Variants in RALYL observed in about 807,000 individuals in gnomAD.
RALYL encodes RNA-binding Raly-like protein.
Under a neutral mutation model 35.1 loss-of-function variants are expected in RALYL, and 29 were observed. That is an observed-to-expected ratio of 0.83 (90% confidence interval 0.61 to 1.13). The LOEUF is 1.13. Ranked by LOEUF, RALYL falls within the 50% of genes most tolerant of loss-of-function variation. The pLI is 0.00. For synonymous variants in RALYL, 120 were observed against 127.6 expected (o/e 0.94, Z 0.40); for missense variants, 359 against 360.4 (o/e 1.00, Z 0.03).
chr8:84,469,742 C>T (rs1256632371), intron 1 of RALYL, among the ~76,000 whole-genome samples: 3 of 152,198 alleles, frequency 2.0e-5, no homozygotes, highest in African/African-American at 7.2e-5. Flanking sequence ...CCCAGCCTAG[C>T]TGCCCCCTTG....
At position 84,424,568 on chromosome 8, in the gene RALYL, T is replaced by A. The variant is rs538914797; in HGVS notation, c.-23-104731T>A. ...CTCAGCTCGTCAAAGTCATTCTCCA[T>A]CCAGCTTTGTTCTGTTGCTGGTGAG... is the stretch of plus-strand genomic sequence containing the variant. On this transcript the variant is annotated intron_variant, in intron 1 of 8. Coordinates refer to ENST00000521268, the MANE Select transcript of RALYL (RefSeq NM_173848.7). Among the ~76,000 whole-genome samples the A allele has an allele frequency of 7.2e-3, 1,093 of 151,114 alleles. 22 individuals are homozygous for A. The highest frequency in any genetic ancestry group is 0.025 in the African/African-American group (1,019 of 40,494).
chr8:84,813,006 C>G (rs1342073774), intron 4 of RALYL, among the ~76,000 whole-genome samples: 3 of 152,164 alleles, frequency 2.0e-5, no homozygotes, highest in Non-Finnish European at 4.4e-5. Context: ...TTCCCCCGCT[C>G]CTCTGGCCAC....
At chr8:84,673,040 AT>A (rs914479388) in intron 2 of RALYL, among the ~76,000 whole-genome samples, 2 of 152,202 alleles carry the variant, frequency 1.3e-5, no homozygotes, top group Non-Finnish European at 2.9e-5. Context: ...AGCATTTGTT[AT>A]TTTTTGACTT....
intron 1 of RALYL, among the ~76,000 whole-genome samples, chr8:84,223,730 A>G (rs1211546784): frequency 6.6e-6 from 1 of 152,228 alleles, no homozygotes; most frequent in Non-Finnish European, 1.5e-5. Context: ...ATGCTGCAAC[A>G]TCTTGTCCTG....
At chr8:84,913,699 ACT>A (rs1317258524) in intron 8 of RALYL, among the ~76,000 whole-genome samples, 1 of 151,886 alleles carries the variant, frequency 6.6e-6, no homozygotes, top group East Asian at 1.9e-4. Flanking sequence ...GTACTACAAG[ACT>A]CTGAAATTCT....
chr8:84,504,900 G>A (rs2057031911), intron 1 of RALYL, among the ~76,000 whole-genome samples: 1 of 152,086 alleles, frequency 6.6e-6, no homozygotes, highest in Non-Finnish European at 1.5e-5. Context: ...GTCACAAGCT[G>A]GGAGATTGAA....
chr8:84,706,691 C>T (rs1247777159), intron 2 of RALYL, among the ~76,000 whole-genome samples: 1 of 152,138 alleles, frequency 6.6e-6, no homozygotes, highest in Non-Finnish European at 1.5e-5. Flanking sequence ...CACAATTACC[C>T]TGGCGTAAAG....
At chr8:84,481,711 T>C (rs183771394) in intron 1 of RALYL, among the ~76,000 whole-genome samples, 272 of 152,212 alleles carry the variant, frequency 1.8e-3, no homozygotes, top group African/African-American at 6.2e-3. Context: ...CATACGAAGG[T>C]AGGCACAAAA....
intron 4 of RALYL, among the ~76,000 whole-genome samples, chr8:84,810,259 G>A (rs1408221098): frequency 6.6e-6 from 1 of 152,054 alleles, no homozygotes; most frequent in African/African-American, 2.4e-5. Flanking sequence ...CCATTCCAGA[G>A]CAGCCTATTT....
chr8:84,855,128 G>T (rs1189792625), intron 5 of RALYL, among the ~76,000 whole-genome samples: 2 of 152,182 alleles, frequency 1.3e-5, no homozygotes, highest in Non-Finnish European at 2.9e-5. Context: ...GAAGGAGCAG[G>T]TCCCTTTTCC....
chr8:84,835,315 G>C (rs960285087), intron 4 of RALYL, among the ~76,000 whole-genome samples: 2 of 152,156 alleles, frequency 1.3e-5, no homozygotes, highest in African/African-American at 4.8e-5. Context: ...GTGGAATTTA[G>C]TCTAATTCAA....
intron 1 of RALYL, among the ~76,000 whole-genome samples, chr8:84,201,118 C>T (rs1321067502): frequency 6.6e-6 from 1 of 152,118 alleles, no homozygotes; most frequent in Non-Finnish European, 1.5e-5. Context: ...GAGGATTAAC[C>T]TTCCTATGCA....
At chr8:84,557,137 G>A (rs745997532) in intron 2 of RALYL, among the ~76,000 whole-genome samples, 7 of 152,118 alleles carry the variant, frequency 4.6e-5, no homozygotes, top group African/African-American at 7.2e-5. Flanking sequence ...TTTTCACCCC[G>A]TGTAGCCAGA....
intron 2 of RALYL, among the ~76,000 whole-genome samples, chr8:84,626,532 G>C (rs1306286328): frequency 6.6e-6 from 1 of 152,058 alleles, no homozygotes; most frequent in Non-Finnish European, 1.5e-5. Flanking sequence ...TAAAAATTTA[G>C]GTTCTCTTTG....
intron 5 of RALYL, among the ~76,000 whole-genome samples, chr8:84,861,227 C>A (rs138824255): frequency 6.6e-6 from 1 of 152,124 alleles, no homozygotes; most frequent in Non-Finnish European, 1.5e-5. Flanking sequence ...ATGCTATTTT[C>A]TTTATAGTGA....
rs73295611 is a variant in RALYL at position 84,208,107 on chromosome 8, G to A, written c.-24+23683G>A. 1.2e-3 allele frequency among the ~76,000 whole-genome samples: 184 copies of A among 152,112 alleles called. 1 individual carries two copies. Among genetic ancestry groups the A allele is most frequent in the African/African-American group, 3.9e-3 (162 of 41,534 alleles). On this transcript the variant is annotated intron_variant, in intron 1 of 8. Coordinates refer to ENST00000521268, the MANE Select transcript of RALYL (RefSeq NM_173848.7). ...TGTCAAAAATTTGAGTTTTCTTCATGGGCTGTTTGGTACACATATCGGATT... is the reference window on the plus strand; with the variant it reads ...TGTCAAAAATTTGAGTTTTCTTCATAGGCTGTTTGGTACACATATCGGATT...
chr8:84,345,629 C>T (rs991437459), intron 1 of RALYL, among the ~76,000 whole-genome samples: 1 of 152,064 alleles, frequency 6.6e-6, no homozygotes, highest in African/African-American at 2.4e-5. Context: ...GGAAGACCCT[C>T]CAGCATCTCC....
At chr8:84,797,083 T>TAGAG (rs1283103705) in intron 3 of RALYL, among the ~76,000 whole-genome samples, 1 of 152,208 alleles carries the variant, frequency 6.6e-6, no homozygotes, top group East Asian at 1.9e-4. Flanking sequence ...CTCACAGTTC[T>TAGAG]AGAGACTGAG....
chr8:84,290,908 G>T (rs1037922404), intron 1 of RALYL, among the ~76,000 whole-genome samples: 1 of 152,028 alleles, frequency 6.6e-6, no homozygotes, highest in African/African-American at 2.4e-5. Context: ...TAATACTTTT[G>T]ATATCTTTCA....
Sources: gnomAD v4.1 joint callset for allele counts (sites outside exome capture counted in the v4.1 genomes callset) on GRCh38, gnomAD v4.1.1 for gene constraint, MANE v1.5 for transcripts, NCBI Gene and HGNC (gene_info 2026-07-23, HGNC 2026-07-21) for gene names.